ATP2C2: variants seen among roughly 807,000 people sequenced by gnomAD.
The protein encoded by ATP2C2 is calcium-transporting ATPase type 2C member 2.
ATP2C2 carries 171 observed loss-of-function variants against 110.8 expected under a neutral mutation model. The observed-to-expected ratio is 1.54, with a 90% CI of 1.36 to 1.75. The LOEUF (loss-of-function observed/expected upper bound fraction) is 1.75, where lower values mean the gene tolerates loss of function less well. Among genes scored for constraint, ATP2C2 ranks in the 40% most tolerant of loss-of-function variants. ATP2C2 has a pLI of 0.00. For synonymous variants in ATP2C2, 804 were observed against 508.4 expected, an observed-to-expected ratio of 1.58 and a Z score of -7.82; for missense variants, 1,963 against 1,235.0, an observed-to-expected ratio of 1.59 and a Z score of -8.84.
At chr16:84,395,441 A>AG (rs2151413224) in intron 1 of ATP2C2, among the ~76,000 whole-genome samples, 1 of 149,480 alleles carries the variant, frequency 6.7e-6, no homozygotes, top group East Asian at 1.9e-4. Context: ...CCTCAAAGGC[A>AG]GGGGAATTGG....
At chr16:84,396,300 C>G (rs542933199) in intron 1 of ATP2C2, among the ~76,000 whole-genome samples, 1 of 152,012 alleles carries the variant, frequency 6.6e-6, no homozygotes, top group African/African-American at 2.4e-5. Context: ...AATCTCAGCA[C>G]TTTTGGAGGC....
At chr16:84,434,361 A>G (rs1908556154) in intron 11 of ATP2C2, among the ~76,000 whole-genome samples, 1 of 151,554 alleles carries the variant, frequency 6.6e-6, no homozygotes, top group African/African-American at 2.4e-5. Flanking sequence ...GGTTGCGGTG[A>G]GCCGAGATTG....
intron 1 of ATP2C2, among the ~76,000 whole-genome samples, chr16:84,372,543 G>C (rs1372016112): frequency 6.6e-6 from 1 of 152,002 alleles, no homozygotes; most frequent in Non-Finnish European, 1.5e-5. Flanking sequence ...TCCTGCCTCA[G>C]CTTCCCGAGT....
At chr16:84,370,057 C>T (rs1204166658) in intron 1 of ATP2C2, among the ~76,000 whole-genome samples, 2 of 152,170 alleles carry the variant, frequency 1.3e-5, no homozygotes, top group Non-Finnish European at 2.9e-5. Flanking sequence ...TCTTTTGATT[C>T]TTGCATCAGG....
chr16:84,373,119 CAAAA>C (rs34143321), intron 1 of ATP2C2, among the ~76,000 whole-genome samples: 1 of 103,926 alleles, frequency 9.6e-6, no homozygotes. Flanking sequence ...GACTCCCTCT[CAAAA>C]AAAAAAAAAA....
At chr16:84,376,560 G>T (rs181609285) in intron 1 of ATP2C2, among the ~76,000 whole-genome samples, 1 of 150,216 alleles carries the variant, frequency 6.7e-6, no homozygotes, top group African/African-American at 2.5e-5. Flanking sequence ...TAGCTCATCA[G>T]CTATCATTGG....
At chr16:84,393,326 G>A (rs571801296) in intron 1 of ATP2C2, among the ~76,000 whole-genome samples, 11 of 152,176 alleles carry the variant, frequency 7.2e-5, no homozygotes, top group South Asian at 2.1e-4. Context: ...ATCCCAGGTA[G>A]GAGTCTCCCA....
At chr16:84,376,264 G>A (rs1358448002) in intron 1 of ATP2C2, among the ~76,000 whole-genome samples, 6 of 152,326 alleles carry the variant, frequency 3.9e-5, no homozygotes, top group East Asian at 3.9e-4. Flanking sequence ...CAGGTGAGGC[G>A]ATGAGGTTGC....
At chr16:84,463,590 C>G in intron 26 of ATP2C2, 24 bp from the exon 27 acceptor site, 1 of 1,594,658 alleles carries the variant, frequency 6.3e-7, no homozygotes, top group Non-Finnish European at 8.6e-7. Context: ...CGTCCTGAAT[C>G]TTTTCTGTTT....
intron 1 of ATP2C2, among the ~76,000 whole-genome samples, chr16:84,373,392 C>G (rs1910071644): frequency 6.6e-6 from 1 of 151,992 alleles, no homozygotes; most frequent in Non-Finnish European, 1.5e-5. Flanking sequence ...CCCGGCTACT[C>G]AGAAGGCTGA....
At chr16:84,389,368 G>A (rs1487624520) in intron 1 of ATP2C2, among the ~76,000 whole-genome samples, 2 of 152,212 alleles carry the variant, frequency 1.3e-5, no homozygotes, top group Non-Finnish European at 2.9e-5. Context: ...TGCACCCCAG[G>A]AGGGCGTGAC....
chr16:84,431,495 C>T (rs1271855262), intron 11 of ATP2C2, among the ~76,000 whole-genome samples: 1 of 150,928 alleles, frequency 6.6e-6, no homozygotes, highest in Admixed American at 6.6e-5. Flanking sequence ...AACTCTGTCT[C>T]AAGACGAAAA....
intron 3 of ATP2C2, among the ~76,000 whole-genome samples, chr16:84,407,756 C>T (rs1290463475): frequency 6.6e-6 from 1 of 152,122 alleles, no homozygotes; most frequent in Non-Finnish European, 1.5e-5. Flanking sequence ...ACAGTGTGAG[C>T]CTCTGCACCC....
chr16:84,459,236 G>A lies in ATP2C2; in HGVS notation c.2217-34G>A, dbSNP rs552391105. Reference sequence around the variant, plus strand: ...AGTGTCATTAAGCACCACGCCTGGCGGGCGGCCGCTGACTGGCTGCGTGTG... The same window carrying A: ...AGTGTCATTAAGCACCACGCCTGGCAGGCGGCCGCTGACTGGCTGCGTGTG... On this transcript the variant is annotated intron_variant, in intron 22 of 26. Transcript: ENST00000262429. 83 of 1,614,054 alleles carry A rather than the reference G, an allele frequency of 5.1e-5. 2 individuals are homozygous for A. The South Asian group carries it at 5.4e-4, about 10-fold the overall frequency.
At chr16:84,433,606 C>T (rs563840845) in intron 11 of ATP2C2, among the ~76,000 whole-genome samples, 1 of 151,724 alleles carries the variant, frequency 6.6e-6, no homozygotes, top group Non-Finnish European at 1.5e-5. Flanking sequence ...GAGCCGAGAT[C>T]GCACCACTGC....
chr16:84,379,340 A>G (rs894634042), intron 1 of ATP2C2, among the ~76,000 whole-genome samples: 2 of 152,108 alleles, frequency 1.3e-5, no homozygotes, highest in African/African-American at 2.4e-5. Flanking sequence ...ATGCTTGGCT[A>G]ATTTTTGAAC....
chr16:84,447,319 G>C (rs1377253524), intron 16 of ATP2C2, among the ~76,000 whole-genome samples: 1 of 152,080 alleles, frequency 6.6e-6, no homozygotes, highest in Non-Finnish European at 1.5e-5. Context: ...AAAACTTTTA[G>C]ACCTTTAAAT....
chr16:84,408,361 C>T (rs751940209), intron 3 of ATP2C2, 44 bp from the exon 4 acceptor site: 4 of 1,575,788 alleles, frequency 2.5e-6, no homozygotes, highest in East Asian at 2.2e-5. Context: ...CATTCTGGTC[C>T]CTGAGACTAA....
intron 10 of ATP2C2, among the ~76,000 whole-genome samples, chr16:84,424,446 T>G (rs1907617657): frequency 6.6e-6 from 1 of 152,024 alleles, no homozygotes; most frequent in Non-Finnish European, 1.5e-5. Context: ...CCCAGCTGAT[T>G]TTTGTATTTT....
Sources: allele counts gnomAD v4.1 joint callset (sites outside exome capture counted in the v4.1 genomes callset), GRCh38; gene constraint gnomAD v4.1.1; transcripts MANE v1.5; gene names NCBI Gene and HGNC (gene_info 2026-07-23, HGNC 2026-07-21).